The following FARP2 variants were observed in gnomAD, a reference collection of about 807,000 sequenced individuals.
FARP2 encodes FERM, ARH/RhoGEF and pleckstrin domain protein 2.
Under a neutral mutation model 130.5 loss-of-function variants are expected in FARP2, and 111 were observed. That is an observed-to-expected ratio of 0.85 (90% CI 0.73 to 1.00). The LOEUF (loss-of-function observed/expected upper bound fraction) is 1.00, where lower values mean the gene tolerates loss of function less well. Ranked by LOEUF, FARP2 falls within the 50% of genes least tolerant of loss-of-function variation. The pLI, the probability that FARP2 is intolerant of heterozygous loss-of-function variation, is 0.00. For synonymous variants in FARP2, 504 were observed against 516.9 expected, an observed-to-expected ratio of 0.98 and a Z score of 0.34; for missense variants, 1,385 against 1,346.3, an observed-to-expected ratio of 1.03 and a Z score of -0.45.
At chr2:241,477,930 C>T (rs2064516111) in intron 19 of FARP2, 1 of 152,880 alleles carries the variant, frequency 6.5e-6, no homozygotes, top group Admixed American at 6.5e-5. Flanking sequence ...ACTCTTAAAA[C>T]CCAATAGTAA....
At chr2:241,457,929 G>T (rs907188622) in intron 14 of FARP2, among the ~76,000 whole-genome samples, 1 of 150,970 alleles carries the variant, frequency 6.6e-6, no homozygotes, top group African/African-American at 2.4e-5. Context: ...CCACAGACAG[G>T]GGTGAGGCTT....
Position 241,382,290 on chromosome 2 carries a change from C to CTCTTT in FARP2, c.183+9001_183+9002insCTTTT, listed in dbSNP as rs1553709361. 8.6e-5 allele frequency among the ~76,000 whole-genome samples: 11 copies of CTCTTT among 127,196 alleles called. 2 individuals are homozygous for CTCTTT. The highest frequency in any genetic ancestry group is 4.8e-4 in the East Asian group (2 of 4,180). 83.4% of individuals were successfully genotyped at this position (127,196 alleles called of 152,430 possible). A position where few individuals can be genotyped will look rare whatever the true frequency, so the allele number is the denominator to read the frequency against. Reference sequence around the variant, plus strand: ...TATTTTCAGTTTCTCTGTACAAAATCTATTTTTTTTTTTTTTTTTTTTGAG... The same window carrying CTCTTT: ...TATTTTCAGTTTCTCTGTACAAAATCTCTTTTATTTTTTTTTTTTTTTTTTTTGAG... On this transcript the variant is annotated intron_variant, in intron 2 of 26. Coordinates refer to ENST00000264042, the MANE Select transcript of FARP2 (RefSeq NM_014808.4).
At chr2:241,493,949 T>C in intron 26 of FARP2, 59 bp from the exon 27 acceptor site, 1 of 1,115,258 alleles carries the variant, frequency 9.0e-7, no homozygotes, top group Non-Finnish European at 1.2e-6. Context: ...TGGGTTGTTC[T>C]TGGGACAGTG....
At chr2:241,457,213 G>A (rs1384382547) in intron 14 of FARP2, among the ~76,000 whole-genome samples, 1 of 152,194 alleles carries the variant, frequency 6.6e-6, no homozygotes, top group East Asian at 1.9e-4. Flanking sequence ...CATGTGTCAG[G>A]CTGGATCTTC....
intron 22 of FARP2, among the ~76,000 whole-genome samples, chr2:241,490,488 C>T (rs746597592): frequency 6.6e-6 from 1 of 152,236 alleles, no homozygotes; most frequent in South Asian, 2.1e-4. Flanking sequence ...GTGGTATAGA[C>T]TCACATGAGG....
chr2:241,491,801 C>A, intron 24 of FARP2, 122 bp downstream of exon 24: 1 of 893,458 alleles, frequency 1.1e-6, no homozygotes, highest in Non-Finnish European at 1.6e-6. Context: ...AGAGGACTGC[C>A]TCTTACTCTC....
intron 2 of FARP2, among the ~76,000 whole-genome samples, chr2:241,374,935 T>TAATTAGGC (rs2061500735): frequency 6.6e-6 from 1 of 152,114 alleles, no homozygotes; most frequent in Non-Finnish European, 1.5e-5. Context: ...TCTGGACACT[T>TAATTAGGC]AATTAGGCTC....
intron 2 of FARP2, among the ~76,000 whole-genome samples, chr2:241,388,161 A>T (rs2061832397): frequency 6.6e-6 from 1 of 152,254 alleles, no homozygotes; most frequent in Non-Finnish European, 1.5e-5. Flanking sequence ...GAGGACTCAC[A>T]CTTTTCCATA....
At chr2:241,438,924 C>T (rs572175110) in intron 12 of FARP2, among the ~76,000 whole-genome samples, 58 of 152,218 alleles carry the variant, frequency 3.8e-4, no homozygotes, top group South Asian at 1.7e-3. Flanking sequence ...CCACCGCGCC[C>T]GGCCAACTCT....
intron 2 of FARP2, among the ~76,000 whole-genome samples, chr2:241,388,130 T>C (rs1319978286): frequency 6.6e-6 from 1 of 152,002 alleles, no homozygotes; most frequent in Non-Finnish European, 1.5e-5. Context: ...CCAAAAACAA[T>C]CTCAGAAAAG....
At position 241,431,707 on chromosome 2, in the gene FARP2, G is replaced by C. The variant is rs2150397003; in HGVS notation, c.800G>C (p.Trp267Ser). The change falls in exon 9 of 27, where the codon TGG becomes TCG. Residue 267 changes from tryptophan to serine, a missense_variant. Transcript: ENST00000264042. ...QGTTKINTFN[W>S]SKVRKLSFKR... ...ACCACCAAAATCAACACTTTCAACT[G>C]GTCCAAGGTCCGTAAACTAAGCTTC... is the stretch of plus-strand genomic sequence containing the variant. 6.2e-7 allele frequency: 1 copy of C among 1,601,582 alleles called. No individual in the cohort carries two copies. Among genetic ancestry groups the C allele is most frequent in the East Asian group, 2.2e-5 (1 of 44,490 alleles).
chr2:241,404,982 A>T, intron 4 of FARP2, 141 bp downstream of exon 4: 1 of 575,884 alleles, frequency 1.7e-6, no homozygotes, highest in Non-Finnish European at 3.1e-6. Context: ...ACAAACTTGG[A>T]AGTCATTTTG....
At chr2:241,446,130 G>A (rs1464452993) in intron 13 of FARP2, 1 of 152,136 alleles carries the variant, frequency 6.6e-6, no homozygotes, top group Non-Finnish European at 1.5e-5. Context: ...TCTAACAGTA[G>A]CACAGTTATA....
chr2:241,391,040 C>T (rs1048626165), intron 2 of FARP2, among the ~76,000 whole-genome samples: 1 of 152,144 alleles, frequency 6.6e-6, no homozygotes, highest in Admixed American at 6.5e-5. Flanking sequence ...TGGGTGGGGA[C>T]GCTGACAGAC....
chr2:241,373,047 T>C (rs1429406609), intron 1 of FARP2, 37 bp from the exon 2 acceptor site: 1 of 1,166,244 alleles, frequency 8.6e-7, no homozygotes, highest in African/African-American at 1.6e-5. Context: ...AATAATGTGA[T>C]AATTCCTTCA....
chr2:241,426,520 GA>G (rs1559758286), intron 8 of FARP2, among the ~76,000 whole-genome samples: 1 of 152,150 alleles, frequency 6.6e-6, no homozygotes, highest in Non-Finnish European at 1.5e-5. Flanking sequence ...TTTCAAAGTG[GA>G]GAATGTGCTA....
intron 17 of FARP2, among the ~76,000 whole-genome samples, chr2:241,467,641 C>CAA (rs397957562): frequency 5.4e-4 from 61 of 112,024 alleles, no homozygotes; most frequent in African/African-American, 9.4e-4. Flanking sequence ...GATCCAGTCT[C>CAA]AAAAAAAAAA....
At chr2:241,472,850 C>T (rs1047837889) in intron 18 of FARP2, among the ~76,000 whole-genome samples, 13 of 135,890 alleles carry the variant, frequency 9.6e-5, no homozygotes, top group Admixed American at 5.8e-4. Context: ...TGCTGTTCTG[C>T]GGGGACCCTG....
chr2:241,454,072 C>T (rs2063766742), intron 13 of FARP2, among the ~76,000 whole-genome samples: 4 of 152,112 alleles, frequency 2.6e-5, no homozygotes, highest in African/African-American at 9.7e-5. Context: ...CCATGAGTCA[C>T]CGCACCCGGC....
Sources: allele counts gnomAD v4.1 joint callset (sites outside exome capture counted in the v4.1 genomes callset), GRCh38; gene constraint gnomAD v4.1.1; transcripts MANE v1.5; gene names NCBI Gene and HGNC (gene_info 2026-07-23, HGNC 2026-07-21).